The following SLC5A8 variants were observed in gnomAD, a reference collection of about 807,000 sequenced individuals.
SLC5A8 encodes sodium-coupled monocarboxylate transporter 1.
A neutral mutation model predicts 71.9 loss-of-function variants in SLC5A8; 55 were observed. That is an observed-to-expected ratio of 0.77 (90% confidence interval 0.62 to 0.96). SLC5A8 has a LOEUF of 0.96. SLC5A8 is among the 40% of genes least tolerant of loss of function. The probability of loss-of-function intolerance (pLI) is 0.00; values close to 1 mark genes in which losing one functional copy is unlikely to be tolerated. For synonymous variants in SLC5A8, 307 were observed against 276.1 expected (o/e 1.11, Z -1.11); for missense variants, 701 against 745.3 (o/e 0.94, Z 0.69).
At chr12:101,202,937 G>A (rs1869521649) in intron 2 of SLC5A8, among the ~76,000 whole-genome samples, 1 of 152,132 alleles carries the variant, frequency 6.6e-6, no homozygotes, top group South Asian at 2.1e-4. Flanking sequence ...AATCTATTCA[G>A]TACCTTTGAA....
chr12:101,168,394 G>A (rs1199815511), intron 10 of SLC5A8, among the ~76,000 whole-genome samples: 1 of 152,066 alleles, frequency 6.6e-6, no homozygotes, highest in African/African-American at 2.4e-5. Flanking sequence ...TCTGCAAGTA[G>A]CCTCAAAAAA....
intron 12 of SLC5A8, among the ~76,000 whole-genome samples, chr12:101,162,314 C>T (rs1039262592): frequency 1.3e-5 from 2 of 152,158 alleles, no homozygotes; most frequent in African/African-American, 4.8e-5. Flanking sequence ...CATGATGTCC[C>T]AGGCACTGCT....
chr12:101,198,535 A>G (rs1209806958), intron 3 of SLC5A8, among the ~76,000 whole-genome samples: 1 of 151,894 alleles, frequency 6.6e-6, no homozygotes, highest in East Asian at 1.9e-4. Context: ...GATAAGTTAG[A>G]CCAAATGGAA....
chr12:101,166,767 A>G lies in SLC5A8; in HGVS notation c.1321-68T>C, dbSNP rs1335528102. On this transcript the variant is annotated intron_variant, in intron 11 of 14. Coordinates refer to ENST00000536262, the MANE Select transcript of SLC5A8 (RefSeq NM_145913.5). ...GCTTTGATGTCAAAATTAATATTAG[A>G]AAGCCAAGTTCAACATGGCACGAAA... The G allele has an allele frequency of 2.8e-6, 4 of 1,414,324 alleles. No homozygotes were observed. In the African/African-American group the frequency reaches 5.8e-5, roughly 20 times the overall value. 87.6% of individuals were successfully genotyped at this position (1,414,324 alleles called of 1,614,324 possible).
At chr12:101,158,203 A>ATC in intron 14 of SLC5A8, 46 bp downstream of exon 14, 1 of 1,310,752 alleles carries the variant, frequency 7.6e-7, no homozygotes, top group South Asian at 1.2e-5. Flanking sequence ...CTATCCAGGT[A>ATC]ATAAAGCCCA....
chr12:101,183,896 C>T (rs540785799), intron 8 of SLC5A8, among the ~76,000 whole-genome samples: 43 of 152,214 alleles, frequency 2.8e-4, no homozygotes, highest in Non-Finnish European at 5.3e-4. Context: ...GGTATCACAT[C>T]ATAGGATGTA....
At chr12:101,164,608 G>A (rs1307054617) in intron 12 of SLC5A8, among the ~76,000 whole-genome samples, 2 of 152,026 alleles carry the variant, frequency 1.3e-5, no homozygotes, top group African/African-American at 4.8e-5. Context: ...TGCACCGGTC[G>A]TTTCTTCATT....
chr12:101,193,553 C>G, intron 5 of SLC5A8, 72 bp downstream of exon 5: 1 of 1,489,986 alleles, frequency 6.7e-7, no homozygotes, highest in Non-Finnish European at 9.0e-7. Context: ...TGTAAATCTA[C>G]TATTTCAATA....
chr12:101,193,688 A>G lies in SLC5A8; in HGVS notation c.629T>C (p.Met210Thr), dbSNP rs866685051. ...TAAAATAGTGCTGATTCCACCTTGC[A>G]TCACCACAGCCTGTATAATCACGGA... ...FASVIIQAVVMQGGISTILND... is the reference protein window; with the variant it reads ...FASVIIQAVVTQGGISTILND... Residue 210 changes from methionine (M) to threonine (T), a missense_variant, in exon 5 of 15, where the codon ATG becomes ACG. Coordinates refer to ENST00000536262, the MANE Select transcript of SLC5A8 (RefSeq NM_145913.5). 5.6e-6 allele frequency: 9 copies of G among 1,614,102 alleles called. No individual in the cohort carries two copies. The highest frequency in any genetic ancestry group is 2.7e-5 in the African/African-American group (2 of 74,946).
intron 2 of SLC5A8, 68 bp from the exon 3 acceptor site, chr12:101,202,283 T>C (rs1869489462): frequency 1.5e-6 from 2 of 1,324,882 alleles, no homozygotes; most frequent in Non-Finnish European, 2.0e-6. Context: ...GTCTGAGTTA[T>C]AAAATATTGA....
In SLC5A8 at chr12:101,190,604, T is replaced by G. The variant is rs1868854878; in HGVS notation, c.697A>C (p.Asn233His). The G allele has an allele frequency of 6.3e-7, 1 of 1,595,696 alleles. No homozygotes were observed. Reference sequence around the variant, plus strand: ...GTGTGTCTTTGCAAAGGGTTAGGATTAAAACTAAATGACAAGAAACAGAAA... The same window carrying G: ...GTGTGTCTTTGCAAAGGGTTAGGATGAAAACTAAATGACAAGAAACAGAAA... ...DGGRLNFWNF[N>H]PNPLQRHTFW... is the part of the protein sequence containing the mutation. The change falls in exon 6 of 15, where the codon AAT (asparagine) becomes CAT (histidine). Residue 233 changes from asparagine (N) to histidine (H), a missense_variant. By Grantham distance (68) the Asn-to-His change is moderately conservative (BLOSUM62 1). Coordinates refer to ENST00000536262, the MANE Select transcript of SLC5A8 (RefSeq NM_145913.5).
chr12:101,180,365 T>C (rs1350190552), intron 9 of SLC5A8, among the ~76,000 whole-genome samples: 1 of 152,216 alleles, frequency 6.6e-6, no homozygotes, highest in African/African-American at 2.4e-5. Context: ...AAACTATAGG[T>C]ATTTAAAACT....
intron 10 of SLC5A8, among the ~76,000 whole-genome samples, chr12:101,168,980 G>A (rs887203967): frequency 2.0e-5 from 3 of 152,276 alleles, no homozygotes; most frequent in East Asian, 1.9e-4. Flanking sequence ...AAATATTAGA[G>A]GAAATAGTGC....
At chr12:101,177,456 C>A (rs1273980002) in intron 10 of SLC5A8, among the ~76,000 whole-genome samples, 1 of 151,410 alleles carries the variant, frequency 6.6e-6, no homozygotes, top group African/African-American at 2.4e-5. Flanking sequence ...CACACACACA[C>A]ACACACACAC....
At chr12:101,176,236 T>A (rs1445625100) in intron 10 of SLC5A8, among the ~76,000 whole-genome samples, 1 of 151,894 alleles carries the variant, frequency 6.6e-6, no homozygotes, top group Non-Finnish European at 1.5e-5. Context: ...AGCAAAAAAA[T>A]TTCTCAGAGA....
intron 10 of SLC5A8, among the ~76,000 whole-genome samples, chr12:101,171,826 G>A (rs779846156): frequency 7.9e-5 from 12 of 152,204 alleles, no homozygotes; most frequent in Non-Finnish European, 1.6e-4. Context: ...TTGGTGAATA[G>A]GTCTGGAGAA....
At chr12:101,187,251 G>A in intron 7 of SLC5A8, 135 bp downstream of exon 7, 1 of 1,003,974 alleles carries the variant, frequency 1.0e-6, no homozygotes, top group Non-Finnish European at 1.4e-6. Context: ...TCTTAACAAA[G>A]TTTTATAGAA....
intron 10 of SLC5A8, among the ~76,000 whole-genome samples, chr12:101,174,054 G>A (rs2051856607): frequency 6.6e-6 from 1 of 152,130 alleles, no homozygotes; most frequent in Admixed American, 6.5e-5. Flanking sequence ...GCAGCAACAG[G>A]CCACAAAGTA....
intron 13 of SLC5A8, 75 bp from the exon 14 acceptor site, chr12:101,158,403 A>G (rs2051688129): frequency 1.1e-6 from 1 of 939,482 alleles, no homozygotes; most frequent in African/African-American, 1.7e-5. Context: ...TCCATTATAC[A>G]GGCATTTAAC....
Sources: gnomAD v4.1 joint callset for allele counts (sites outside exome capture counted in the v4.1 genomes callset) on GRCh38, gnomAD v4.1.1 for gene constraint, MANE v1.5 for transcripts, NCBI Gene and HGNC (gene_info 2026-07-23, HGNC 2026-07-21) for gene names.